TP73: variants seen among roughly 807,000 people sequenced by gnomAD.
The protein encoded by TP73 is p53-like transcription factor.
Under a neutral mutation model 62.5 loss-of-function variants are expected in TP73, and 25 were observed. The ratio of observed to expected loss-of-function variants is 0.40; its 90% CI spans 0.29 to 0.56. TP73 has a LOEUF of 0.56. Among genes scored for constraint, TP73 ranks in the 20% least tolerant of loss-of-function variants. The pLI, the probability that TP73 is intolerant of heterozygous loss-of-function variation, is 0.46. For synonymous variants in TP73, 423 were observed against 377.5 expected (o/e 1.12, Z -1.40); for missense variants, 754 against 913.3 (o/e 0.83, Z 2.25).
intron 1 of TP73, among the ~76,000 whole-genome samples, chr1:3,655,791 CT>C (rs1405829776): frequency 1.3e-5 from 2 of 152,164 alleles, no homozygotes; most frequent in African/African-American, 4.8e-5. Context: ...CACACAATGG[CT>C]TTCTTAGAAG....
chr1:3,729,017 A>C (rs1042143193), intron 9 of TP73, among the ~76,000 whole-genome samples: 10 of 151,774 alleles, frequency 6.6e-5, no homozygotes, highest in Admixed American at 6.6e-4. Context: ...ACAGAGAGAC[A>C]GAGAGAGACA....
chr1:3,657,626 T>C (rs1340589727), intron 1 of TP73, among the ~76,000 whole-genome samples: 3 of 152,142 alleles, frequency 2.0e-5, no homozygotes, highest in African/African-American at 7.2e-5. Context: ...GGACAAGGCG[T>C]CTGAGATTCC....
chr1:3,667,479 G>A (rs569568641), intron 1 of TP73, among the ~76,000 whole-genome samples: 26 of 152,314 alleles, frequency 1.7e-4, no homozygotes, highest in Admixed American at 5.2e-4. Context: ...AGCTGGGCGC[G>A]GTGGCTCACG....
In TP73 at chr1:3,663,210, G is replaced by A. The variant is rs551260667; in HGVS notation, c.-34+10569G>A. On this transcript the variant is annotated intron_variant, in intron 1 of 13. Coordinates refer to ENST00000378295, the MANE Select transcript of TP73 (RefSeq NM_005427.4). This position sits in a 1 kb window ranked among gnomAD's most constrained non-coding sequence, Gnocchi z 4.7. ...GGCTGGTGGCTGCGGCACCTACAAAGACAGGTTAACAAGAGGACCCTCTGC... is the reference window on the plus strand; with the variant it reads ...GGCTGGTGGCTGCGGCACCTACAAAAACAGGTTAACAAGAGGACCCTCTGC... Among the ~76,000 whole-genome samples the A allele has an allele frequency of 5.9e-5, 9 of 152,288 alleles. No homozygotes were observed. The East Asian group carries it at 1.7e-3, about 29-fold the overall frequency.
At chr1:3,700,549 C>T (rs1639072389) in intron 3 of TP73, among the ~76,000 whole-genome samples, 1 of 152,186 alleles carries the variant, frequency 6.6e-6, no homozygotes, top group African/African-American at 2.4e-5. Context: ...GTAATCCCAG[C>T]ACTTTGGGAG....
intron 4 of TP73, among the ~76,000 whole-genome samples, chr1:3,720,328 G>A (rs1281457841): frequency 1.3e-5 from 2 of 152,216 alleles, no homozygotes; most frequent in Non-Finnish European, 2.9e-5. Flanking sequence ...CTAAGGCCCT[G>A]TGCCCAAGGT....
chr1:3,680,293 G>A (rs375147119), intron 1 of TP73, among the ~76,000 whole-genome samples: 12 of 152,248 alleles, frequency 7.9e-5, no homozygotes, highest in East Asian at 7.7e-4. Context: ...TCCTGTGCCC[G>A]GCCCTCTGCT....
chr1:3,699,223 C>T lies in TP73; in HGVS notation c.187-8326C>T, dbSNP rs1032984079. ...CGGGAGATGCTGTGGGAAGTACCGGCAGGACGGAGGTCTTGCCCTGGTGGG... is the reference window on the plus strand; with the variant it reads ...CGGGAGATGCTGTGGGAAGTACCGGTAGGACGGAGGTCTTGCCCTGGTGGG... On this transcript the variant is annotated intron_variant, in intron 3 of 13. Transcript: ENST00000378295. This position sits in a 1 kb window ranked among gnomAD's most constrained non-coding sequence, Gnocchi z 4.1. 5.9e-5 allele frequency among the ~76,000 whole-genome samples: 9 copies of T among 152,130 alleles called. No homozygotes were observed. The highest frequency in any genetic ancestry group is 1.9e-4 in the African/African-American group (8 of 41,408).
In TP73 at chr1:3,733,501, G is replaced by T. The variant is rs987529819; in HGVS notation, c.*422G>T. 1.4e-5 allele frequency: 3 copies of T among 220,500 alleles called. No individual in the cohort carries two copies. In the Admixed American group the frequency reaches 1.5e-4, roughly 11 times the overall value. The allele number at this position is 220,500 out of a possible 1,614,324, so 13.7% of individuals were successfully genotyped here. A position where few individuals can be genotyped will look rare whatever the true frequency, so the allele number is the denominator to read the frequency against. ...CTCTTTGCTGATGGACTGCCAAAAA[G>T]TATTTTGCGACATCTTTTGGTTCTG... On this transcript the variant is annotated 3_prime_UTR_variant, in exon 14 of 14. Transcript: ENST00000378295.
intron 3 of TP73, among the ~76,000 whole-genome samples, chr1:3,695,081 C>T (rs926051667): frequency 6.6e-6 from 1 of 152,250 alleles, no homozygotes; most frequent in African/African-American, 2.4e-5. Flanking sequence ...AACAAGGCCA[C>T]GTTCTGAGTC....
chr1:3,708,903 G>A (rs1173716300), intron 4 of TP73, among the ~76,000 whole-genome samples: 1 of 152,216 alleles, frequency 6.6e-6, no homozygotes, highest in East Asian at 1.9e-4. Context: ...GCACAGCTCA[G>A]TGCTGGCCCC....
intron 1 of TP73, among the ~76,000 whole-genome samples, chr1:3,661,197 T>C (rs1052834022): frequency 6.6e-6 from 1 of 152,324 alleles, no homozygotes; most frequent in South Asian, 2.1e-4. Flanking sequence ...TTTTGAGATA[T>C]TCCAGGGGCC....
intron 4 of TP73, among the ~76,000 whole-genome samples, chr1:3,717,865 C>T (rs1640736508): frequency 6.6e-6 from 1 of 152,214 alleles, no homozygotes; most frequent in African/African-American, 2.4e-5. Flanking sequence ...CGGCTGGGCA[C>T]CTGGGGTCCA....
chr1:3,727,778 G>C lies in TP73; in HGVS notation c.985+8G>C. 3 of 1,528,956 alleles carry C rather than the reference G, an allele frequency of 2.0e-6. No individual in the cohort carries two copies. The highest frequency in any genetic ancestry group is 2.6e-6 in the Non-Finnish European group (3 of 1,136,686). The allele number at this position is 1,528,956 out of a possible 1,614,324, so 94.7% of individuals were successfully genotyped here. A position where few individuals can be genotyped will look rare whatever the true frequency, so the allele number is the denominator to read the frequency against. ...GGGCCGCCAGCAAGCGTGGTGAGCGGCCGGCCAGGGGAACTGGACGCGTGT... is the reference window on the plus strand; with the variant it reads ...GGGCCGCCAGCAAGCGTGGTGAGCGCCCGGCCAGGGGAACTGGACGCGTGT... On this transcript the variant is annotated splice_region_variant and intron_variant, in intron 8 of 13. Transcript: ENST00000378295.
At chr1:3,661,917 G>A (rs1413594544) in intron 1 of TP73, among the ~76,000 whole-genome samples, 6 of 147,878 alleles carry the variant, frequency 4.1e-5, no homozygotes. Flanking sequence ...TTAATTAGCT[G>A]GGTGTGGTGG....
chr1:3,731,202 C>A, intron 12 of TP73, 137 bp downstream of exon 12: 1 of 1,271,450 alleles, frequency 7.9e-7, no homozygotes. Flanking sequence ...CGGGCGGGGG[C>A]AGTCAGGCCA....
chr1:3,717,261 C>T (rs1327993248), intron 4 of TP73, among the ~76,000 whole-genome samples: 1 of 152,204 alleles, frequency 6.6e-6, no homozygotes, highest in African/African-American at 2.4e-5. Context: ...CCCACCCCCG[C>T]ACCAGCCCTG....
At chr1:3,684,925 C>T (rs1423926306) in intron 3 of TP73, among the ~76,000 whole-genome samples, 1 of 152,194 alleles carries the variant, frequency 6.6e-6, no homozygotes, top group Non-Finnish European at 1.5e-5. Context: ...TCCCCTCTCT[C>T]GCTTTGGAAC....
Position 3,683,084 on chromosome 1 carries a change from C to A in TP73, c.90C>A (p.Asp30Glu), listed in dbSNP as rs1201841744. The change falls in exon 3 of 14, where the codon GAC (aspartate) becomes GAA (glutamate). Residue 30 changes from aspartate (D) to glutamate (E), a missense_variant. This residue lies in a region of TP73 where 235 missense variants were observed against 251.4 expected (regional missense o/e 0.93). Coordinates refer to ENST00000378295, the MANE Select transcript of TP73 (RefSeq NM_005427.4). Reference sequence around the variant, plus strand: ...GGGAACCAGACAGCACCTACTTCGACCTTCCCCAGTCAAGCCGGGGGAATA... The same window carrying A: ...GGGAACCAGACAGCACCTACTTCGAACTTCCCCAGTCAAGCCGGGGGAATA... Reference protein sequence around the residue: ...SSLEPDSTYFDLPQSSRGNNE... With the variant: ...SSLEPDSTYFELPQSSRGNNE... 6.2e-7 allele frequency: 1 copy of A among 1,611,462 alleles called. No individual in the cohort carries two copies. Among genetic ancestry groups the A allele is most frequent in the Admixed American group, 1.7e-5 (1 of 59,956 alleles).
Sources: allele counts gnomAD v4.1 joint callset (sites outside exome capture counted in the v4.1 genomes callset), GRCh38; gene constraint gnomAD v4.1.1; regional missense constraint gnomAD v4.1.1; non-coding constraint Gnocchi (gnomAD v3.1); transcripts MANE v1.5; gene names NCBI Gene and HGNC (gene_info 2026-07-23, HGNC 2026-07-21).